The following PLPPR5 variants were observed in gnomAD, a reference collection of about 807,000 sequenced individuals.
PLPPR5 encodes phospholipid phosphatase-related protein type 5.
In PLPPR5, 16 loss-of-function variants were observed where a neutral mutation model predicts 33.9. The observed-to-expected ratio is 0.47, with a 90% confidence interval of 0.32 to 0.72. The LOEUF is 0.72. PLPPR5 is among the 30% of genes least tolerant of loss of function. The probability of loss-of-function intolerance (pLI) is 0.03; values close to 1 mark genes in which losing one functional copy is unlikely to be tolerated. For synonymous variants in PLPPR5, 163 were observed against 150.3 expected (o/e 1.08, Z -0.62); for missense variants, 301 against 406.7 (o/e 0.74, Z 2.23).
chr1:98,920,592 C>G (rs1204800900), intron 4 of PLPPR5, among the ~76,000 whole-genome samples: 1 of 13,658 alleles, frequency 7.3e-5, no homozygotes, highest in Non-Finnish European at 2.2e-4. Flanking sequence ...AGTGGTATCA[C>G]CAAAAAAAAA....
rs1553169382 is a variant in PLPPR5, at chr1:98,953,392, T to TGTGTGAGA, written c.371-73_371-72insTCTCACAC. 8.8e-6 allele frequency: 13 copies of TGTGTGAGA among 1,477,092 alleles called. No homozygotes were observed. In the African/African-American group the frequency reaches 1.6e-4, roughly 18 times the overall value. 91.5% of individuals were successfully genotyped at this position (1,477,092 alleles called of 1,614,324 possible). A position where few individuals can be genotyped will look rare whatever the true frequency, so the allele number is the denominator to read the frequency against. On this transcript the variant is annotated intron_variant, in intron 2 of 5. Transcript: ENST00000263177. ...GTGTGTGTGTGTGTGTGTGTGTGTG[T>TGTGTGAGA]GTGAATTTCAGTTTACAATAAACCA... is the stretch of plus-strand genomic sequence containing the variant.
intron 3 of PLPPR5, among the ~76,000 whole-genome samples, chr1:98,948,355 C>T (rs970877966): frequency 2.6e-5 from 4 of 152,188 alleles, no homozygotes; most frequent in South Asian, 2.1e-4. Context: ...ATAATGCCAA[C>T]GATTGGCCAC....
At chr1:98,928,713 A>G (rs901652841) in intron 3 of PLPPR5, among the ~76,000 whole-genome samples, 2 of 151,202 alleles carry the variant, frequency 1.3e-5, no homozygotes, top group Non-Finnish European at 1.5e-5. Context: ...ATTTTTATTT[A>G]TTATATTGCT....
At chr1:98,929,408 C>A (rs1557672741) in intron 3 of PLPPR5, among the ~76,000 whole-genome samples, 1 of 152,290 alleles carries the variant, frequency 6.6e-6, no homozygotes, top group East Asian at 1.9e-4. Flanking sequence ...ATTTGAAAAT[C>A]AAGAGTAAAC....
chr1:98,999,330 A>T (rs1652743830), intron 1 of PLPPR5, among the ~76,000 whole-genome samples: 1 of 152,136 alleles, frequency 6.6e-6, no homozygotes, highest in South Asian at 2.1e-4. Flanking sequence ...ACTTATATTT[A>T]CCTCAATTTT....
At chr1:98,933,195 A>ATTT (rs1216916691) in intron 3 of PLPPR5, among the ~76,000 whole-genome samples, 2,821 of 145,422 alleles carry the variant, frequency 0.019, 70 homozygotes, top group African/African-American at 0.062. Context: ...GGGCTTTTTA[A>ATTT]AAAAAAAAAA....
intron 1 of PLPPR5, among the ~76,000 whole-genome samples, chr1:98,983,320 G>A (rs971799365): frequency 7.4e-6 from 1 of 134,700 alleles, no homozygotes; most frequent in African/African-American, 2.8e-5. Context: ...TCCCACCTAT[G>A]AGTGAGAATA....
At chr1:98,935,898 C>T (rs908191243) in intron 3 of PLPPR5, among the ~76,000 whole-genome samples, 2 of 152,208 alleles carry the variant, frequency 1.3e-5, no homozygotes, top group African/African-American at 2.4e-5. Flanking sequence ...CAGAGACATT[C>T]GCCACCCAGA....
chr1:98,987,363 G>A (rs776648199), intron 1 of PLPPR5, among the ~76,000 whole-genome samples: 3 of 151,746 alleles, frequency 2.0e-5, no homozygotes, highest in Non-Finnish European at 4.4e-5. Context: ...TATTACTAAT[G>A]AGTGTCCTAA....
intron 1 of PLPPR5, among the ~76,000 whole-genome samples, chr1:98,985,807 G>T (rs1269438973): frequency 6.6e-6 from 1 of 151,976 alleles, no homozygotes; most frequent in East Asian, 1.9e-4. Context: ...TAGCCTCATT[G>T]TATACACATT....
chr1:98,911,979 G>A (rs146635494), intron 5 of PLPPR5, among the ~76,000 whole-genome samples: 3 of 152,200 alleles, frequency 2.0e-5, no homozygotes, highest in Non-Finnish European at 2.9e-5. Context: ...TTACAGCCCA[G>A]GGTGGTCTCG....
chr1:98,906,264 G>T (rs902790974), intron 5 of PLPPR5, among the ~76,000 whole-genome samples: 3 of 150,354 alleles, frequency 2.0e-5, no homozygotes, highest in Non-Finnish European at 4.4e-5. Context: ...TAGGTATATA[G>T]TATTACCTAG....
intron 1 of PLPPR5, among the ~76,000 whole-genome samples, chr1:98,989,173 C>T (rs1652364342): frequency 6.6e-6 from 1 of 152,018 alleles, no homozygotes; most frequent in African/African-American, 2.4e-5. Context: ...TAATAAACAG[C>T]CTATTTGGTT....
intron 1 of PLPPR5, among the ~76,000 whole-genome samples, chr1:98,966,553 G>A (rs1007307344): frequency 6.6e-6 from 1 of 152,122 alleles, no homozygotes; most frequent in Admixed American, 6.6e-5. Flanking sequence ...TACTAGCCGT[G>A]GTTATAATTG....
At chr1:98,967,328 C>T (rs1485154217) in intron 1 of PLPPR5, among the ~76,000 whole-genome samples, 5 of 152,106 alleles carry the variant, frequency 3.3e-5, no homozygotes, top group Non-Finnish European at 7.4e-5. Context: ...ACATCCTCTG[C>T]GAGTCTACTG....
intron 1 of PLPPR5, among the ~76,000 whole-genome samples, chr1:98,995,502 T>C (rs1345207011): frequency 6.6e-6 from 1 of 152,118 alleles, no homozygotes; most frequent in Non-Finnish European, 1.5e-5. Flanking sequence ...GTGGGTTAAC[T>C]AAAATAGCTT....
intron 2 of PLPPR5, among the ~76,000 whole-genome samples, chr1:98,955,788 G>A (rs1650982519): frequency 6.6e-6 from 1 of 151,998 alleles, no homozygotes; most frequent in South Asian, 2.1e-4. Context: ...TATCTTTAGT[G>A]CATCTCTTAA....
chr1:98,944,504 A>G (rs1650485971), intron 3 of PLPPR5, among the ~76,000 whole-genome samples: 1 of 152,238 alleles, frequency 6.6e-6, no homozygotes, highest in Non-Finnish European at 1.5e-5. Flanking sequence ...GGGCACAATG[A>G]CTAGACACCA....
chr1:98,916,024 T>C (rs1649332187), intron 4 of PLPPR5, among the ~76,000 whole-genome samples: 1 of 152,214 alleles, frequency 6.6e-6, no homozygotes, highest in Non-Finnish European at 1.5e-5. Flanking sequence ...TTTTGTAAAG[T>C]ACCTAATATA....
Sources: gnomAD v4.1 joint callset for allele counts (sites outside exome capture counted in the v4.1 genomes callset) on GRCh38, gnomAD v4.1.1 for gene constraint, MANE v1.5 for transcripts, NCBI Gene and HGNC (gene_info 2026-07-23, HGNC 2026-07-21) for gene names.